The following CREB1 variants were observed in gnomAD, a reference collection of about 807,000 sequenced individuals.
The protein encoded by CREB1 is cyclic AMP-responsive element-binding protein 1.
In CREB1, 2 loss-of-function variants were observed where a neutral mutation model predicts 42.0. The ratio of observed to expected loss-of-function variants is 0.05; its 90% CI spans 0.02 to 0.15. CREB1 has a LOEUF of 0.15. CREB1 is among the 10% of genes least tolerant of loss of function. The pLI, the probability that CREB1 is intolerant of heterozygous loss-of-function variation, is 1.00. For missense variants in CREB1, 199 were observed against 388.9 expected, an observed-to-expected ratio of 0.51 and a Z score of 4.11; for synonymous variants, 123 against 139.9, an observed-to-expected ratio of 0.88 and a Z score of 0.85.
intron 7 of CREB1, among the ~76,000 whole-genome samples, chr2:207,585,307 G>C (rs2083624872): frequency 6.6e-6 from 1 of 152,186 alleles, no homozygotes; most frequent in South Asian, 2.1e-4. Context: ...TAGATGCCAT[G>C]AGAGAATCAT....
At position 207,548,775 on chromosome 2, in the gene CREB1, A is replaced by G. The variant is rs375380227; in HGVS notation, c.-8-6853A>G. Reference sequence around the variant, plus strand: ...CGCCTGCCTCCCCCGCTCCCCCCCAAAAAGATTCCTTTTTGCTATTTATTG... The same window carrying G: ...CGCCTGCCTCCCCCGCTCCCCCCCAGAAAGATTCCTTTTTGCTATTTATTG... On this transcript the variant is annotated intron_variant, in intron 1 of 7. Coordinates refer to ENST00000353267, the MANE Select transcript of CREB1 (RefSeq NM_004379.5). Among the ~76,000 whole-genome samples, 8 of 152,148 alleles carry G rather than the reference A, an allele frequency of 5.3e-5. No homozygotes were observed. In the East Asian group the frequency reaches 9.7e-4, roughly 18 times the overall value.
At chr2:207,561,101 A>G in intron 3 of CREB1, 1 of 1,612,466 alleles carries the variant, frequency 6.2e-7, no homozygotes, top group Non-Finnish European at 8.5e-7. Flanking sequence ...CTCCCATTTC[A>G]TATTTTTTGC....
intron 3 of CREB1, among the ~76,000 whole-genome samples, chr2:207,565,488 CTTT>C (rs574018651): frequency 1.5e-5 from 2 of 135,226 alleles, no homozygotes; most frequent in African/African-American, 2.7e-5. Context: ...GAAAGGCAAC[CTTT>C]TTTTTTTTTT....
chr2:207,549,779 G>A (rs1272394505), intron 1 of CREB1, among the ~76,000 whole-genome samples: 3 of 152,018 alleles, frequency 2.0e-5, no homozygotes, highest in Admixed American at 6.6e-5. Context: ...TCAGGAGATC[G>A]AGACCATCCT....
chr2:207,561,811 C>G (rs1461192023), intron 3 of CREB1, among the ~76,000 whole-genome samples: 1 of 152,134 alleles, frequency 6.6e-6, no homozygotes, highest in African/African-American at 2.4e-5. Flanking sequence ...TGGAAGCATT[C>G]TATTAATGTC....
intron 1 of CREB1, among the ~76,000 whole-genome samples, chr2:207,541,903 A>G (rs1158223205): frequency 1.3e-5 from 2 of 152,132 alleles, no homozygotes; most frequent in Non-Finnish European, 1.5e-5. Flanking sequence ...TTGTGTCTCT[A>G]TAGGTTTGCT....
In CREB1 at chr2:207,602,729, TTGTG is replaced by T. The variant is rs1253693346; in HGVS notation, c.*5673_*5676del. On this transcript the variant is annotated 3_prime_UTR_variant, in exon 8 of 8. Coordinates refer to ENST00000353267, the MANE Select transcript of CREB1 (RefSeq NM_004379.5). The stretch of plus-strand genomic sequence containing the variant: ...ATTTTTATCCAAGTGCCACTCCAAT[TTGTG>T]TATGTAATAAAATTATTTATATTAA... 4.7e-6 allele frequency: 1 copy of T among 211,030 alleles called. No homozygotes were observed. Among genetic ancestry groups the T allele is most frequent in the Non-Finnish European group, 9.6e-6 (1 of 104,088 alleles). 13.1% of individuals were successfully genotyped at this position (211,030 alleles called of 1,614,324 possible).
At chr2:207,540,272 G>GT (rs1428501513) in intron 1 of CREB1, among the ~76,000 whole-genome samples, 1 of 152,198 alleles carries the variant, frequency 6.6e-6, no homozygotes, top group Non-Finnish European at 1.5e-5. Context: ...CGTTGTGGAG[G>GT]TGGAAGGCTG....
intron 2 of CREB1, among the ~76,000 whole-genome samples, chr2:207,556,657 T>C (rs1227565392): frequency 6.6e-6 from 1 of 152,170 alleles, no homozygotes; most frequent in Non-Finnish European, 1.5e-5. Context: ...CTGTTCTGTG[T>C]TTTCTCCTAA....
chr2:207,532,862 TCTC>T (rs1428448581), intron 1 of CREB1, among the ~76,000 whole-genome samples: 2 of 151,822 alleles, frequency 1.3e-5, no homozygotes, highest in South Asian at 2.1e-4. Context: ...TTCAAGCAAT[TCTC>T]CTGCCCCAGC....
intron 1 of CREB1, among the ~76,000 whole-genome samples, chr2:207,532,954 T>A (rs1408527536): frequency 6.6e-6 from 1 of 152,118 alleles, no homozygotes; most frequent in Non-Finnish European, 1.5e-5. Context: ...AATTTGTGAT[T>A]CTTAGCAATT....
chr2:207,539,120 A>G (rs911280430), intron 1 of CREB1, among the ~76,000 whole-genome samples: 4 of 143,406 alleles, frequency 2.8e-5, no homozygotes, highest in Admixed American at 2.1e-4. Flanking sequence ...GGCTCACTGC[A>G]ACCTCCGCCT....
chr2:207,570,041 A>G (rs2082297102), intron 4 of CREB1, 138 bp from the exon 5 acceptor site: 1 of 167,418 alleles, frequency 6.0e-6, no homozygotes, highest in African/African-American at 3.0e-5. Flanking sequence ...ACTCCATCTC[A>G]AAAAAAAAAA....
rs954355425 is a variant in CREB1 at position 207,600,338 on chromosome 2, A to G, written c.*3280A>G. The G allele has an allele frequency of 5.5e-6, 1 of 182,514 alleles. No individual in the cohort carries two copies. Among genetic ancestry groups the G allele is most frequent in the African/African-American group, 2.4e-5 (1 of 42,496 alleles). 11.3% of individuals were successfully genotyped at this position (182,514 alleles called of 1,614,324 possible). A position where few individuals can be genotyped will look rare whatever the true frequency, so the allele number is the denominator to read the frequency against. On this transcript the variant is annotated 3_prime_UTR_variant, in exon 8 of 8. Transcript: ENST00000353267. ...GAGTATTATAGTATATTGAGGTCAG[A>G]TGAAATTTTACATTTTTGTGTGTTC... is the stretch of plus-strand genomic sequence containing the variant.
intron 1 of CREB1, among the ~76,000 whole-genome samples, chr2:207,552,387 G>T (rs184443503): frequency 6.6e-6 from 1 of 151,906 alleles, no homozygotes; most frequent in Non-Finnish European, 1.5e-5. Context: ...GAAAGAAATG[G>T]TCAATCTGTG....
chr2:207,557,918 T>G (rs910702991), intron 2 of CREB1, among the ~76,000 whole-genome samples: 3 of 152,160 alleles, frequency 2.0e-5, no homozygotes, highest in Non-Finnish European at 4.4e-5. Flanking sequence ...ACATAGTAAT[T>G]GCTTCAAATA....
intron 3 of CREB1, among the ~76,000 whole-genome samples, chr2:207,565,446 C>G (rs1193802461): frequency 1.3e-5 from 2 of 148,884 alleles, no homozygotes; most frequent in Non-Finnish European, 3.0e-5. Context: ...TTAATTCCTT[C>G]TGTGTGAATT....
At chr2:207,570,349 TTGTGAGGAGAAAAA>T (rs1171248696) in intron 5 of CREB1, 28 bp downstream of exon 5, 2 of 1,552,726 alleles carry the variant, frequency 1.3e-6, no homozygotes, top group East Asian at 4.6e-5. Context: ...TCTGTTTCTA[TTGTGAGGAGAAAAA>T]AGTGAGGAGA....
chr2:207,572,007 C>T (rs1324518773), intron 5 of CREB1, among the ~76,000 whole-genome samples: 3 of 152,058 alleles, frequency 2.0e-5, no homozygotes, highest in African/African-American at 7.2e-5. Flanking sequence ...GGTGGTGGAT[C>T]ATGAGGTCAG....
Sources: allele counts gnomAD v4.1 joint callset (sites outside exome capture counted in the v4.1 genomes callset), GRCh38; gene constraint gnomAD v4.1.1; transcripts MANE v1.5; gene names NCBI Gene and HGNC (gene_info 2026-07-23, HGNC 2026-07-21).